The following SPATA9 variants were observed in gnomAD, a reference collection of about 807,000 sequenced individuals.
SPATA9 encodes spermatogenesis-associated protein 9.
In SPATA9, 27 loss-of-function variants were observed where a neutral mutation model predicts 25.5. That is an observed-to-expected ratio of 1.06 (90% CI 0.78 to 1.46). SPATA9 has a LOEUF of 1.46. Ranked by LOEUF, SPATA9 falls within the 40% of genes most tolerant of loss-of-function variation. The probability of loss-of-function intolerance (pLI) is 0.00; values close to 1 mark genes in which losing one functional copy is unlikely to be tolerated. For synonymous variants in SPATA9, 102 were observed against 105.7 expected (o/e 0.97, Z 0.21); for missense variants, 282 against 297.5 (o/e 0.95, Z 0.38).
At chr5:95,724,410 T>G in the SPATA9 span, among the ~76,000 whole-genome samples, 1 of 152,262 alleles carries the variant, frequency 6.6e-6, no homozygotes, top group African/African-American at 2.4e-5. Context: ...TGAAATTATA[T>G]TTGGAAAATG....
chr5:95,661,933 A>G (rs1311081682), intron 4 of SPATA9, among the ~76,000 whole-genome samples: 1 of 152,116 alleles, frequency 6.6e-6, no homozygotes, highest in African/African-American at 2.4e-5. Flanking sequence ...AAAAAAACAT[A>G]AAAATGATTA....
chr5:95,698,060 A>G (rs1356039321), intron 1 of SPATA9, among the ~76,000 whole-genome samples: 1 of 152,208 alleles, frequency 6.6e-6, no homozygotes, highest in Admixed American at 6.5e-5. Context: ...TCAATATTTA[A>G]CATATGTACT....
intron 3 of SPATA9, 115 bp downstream of exon 3, chr5:95,675,297 C>T (rs1029193064): frequency 1.1e-5 from 9 of 817,388 alleles, no homozygotes; most frequent in South Asian, 3.8e-5. Flanking sequence ...TTCTCTTATC[C>T]AAGTATATCT....
intron 3 of SPATA9, among the ~76,000 whole-genome samples, chr5:95,672,462 T>G (rs568169257): frequency 6.6e-5 from 10 of 152,132 alleles, no homozygotes; most frequent in South Asian, 6.2e-4. Flanking sequence ...GAGGTTTTTT[T>G]TTTTTTTTTT....
At chr5:95,652,219 G>T, downstream of SPATA9, 1 of 1,521,388 alleles carries the variant, frequency 6.6e-7, no homozygotes. Flanking sequence ...GCAATAGATT[G>T]GACACTCTAC....
chr5:95,685,464 T>C (rs1038374189), upstream of SPATA9, among the ~76,000 whole-genome samples: 1 of 152,210 alleles, frequency 6.6e-6, no homozygotes, highest in African/African-American at 2.4e-5. Context: ...TGGCCTTAGA[T>C]CAAGGATTTG....
intron 4 of SPATA9, chr5:95,659,564 G>A (rs150013496): frequency 6.6e-6 from 1 of 152,120 alleles, no homozygotes; most frequent in Non-Finnish European, 1.5e-5. Context: ...TTCAAGGCAC[G>A]CGGTGAGAAC....
At chr5:95,694,470 G>T (rs980936366) in intron 1 of SPATA9, among the ~76,000 whole-genome samples, 3 of 152,088 alleles carry the variant, frequency 2.0e-5, no homozygotes, top group African/African-American at 4.8e-5. Flanking sequence ...AAAAAGAAAA[G>T]TATCATGTTC....
the SPATA9 span, chr5:95,708,765 A>ACATAGATCGACTG: frequency 1.6e-6 from 1 of 629,076 alleles, no homozygotes; most frequent in African/African-American, 1.8e-5. Flanking sequence ...AGAACAGTGC[A>ACATAGATCGACTG]CATAGATCGA....
At chr5:95,726,068 C>T in the SPATA9 span, among the ~76,000 whole-genome samples, 1 of 152,054 alleles carries the variant, frequency 6.6e-6, no homozygotes, top group Non-Finnish European at 1.5e-5. Flanking sequence ...TTCTCAAATA[C>T]CATAAAGTGG....
upstream of SPATA9, among the ~76,000 whole-genome samples, chr5:95,685,615 A>T (rs894763402): frequency 2.0e-5 from 3 of 152,190 alleles, no homozygotes; most frequent in Non-Finnish European, 4.4e-5. Context: ...ACGTCAAAGT[A>T]ATTTTAAAAC....
the SPATA9 span, among the ~76,000 whole-genome samples, chr5:95,726,468 A>C: frequency 6.6e-6 from 1 of 152,230 alleles, no homozygotes; most frequent in South Asian, 2.1e-4. Context: ...TTGCTAGCTA[A>C]TTGTAATCAG....
chr5:95,682,527 C>G lies in SPATA9; in HGVS notation c.150+1G>C. 6.3e-7 allele frequency: 1 copy of G among 1,582,866 alleles called. No individual in the cohort carries two copies. Among genetic ancestry groups the G allele is most frequent in the Non-Finnish European group, 8.7e-7 (1 of 1,154,388 alleles). On this transcript the variant is annotated splice_donor_variant, in intron 2 of 4. Transcript: ENST00000274432. LOFTEE classifies it high-confidence loss of function. ...TTTTAAAGGTTATAAAATCACATTA[C>G]CTGATTAGACTGTGATAATCTTAGG...
chr5:95,652,750 T>C (rs1235194273), downstream of SPATA9: 5 of 259,736 alleles, frequency 1.9e-5, no homozygotes, highest in Non-Finnish European at 3.6e-5. Context: ...GTTAACACAA[T>C]ATAATTGTAG....
chr5:95,709,856 C>T, the SPATA9 span, among the ~76,000 whole-genome samples: 2 of 152,148 alleles, frequency 1.3e-5, no homozygotes, highest in African/African-American at 2.4e-5. Context: ...TTTACCTGGG[C>T]GCAGGTTGTG....
At chr5:95,669,070 G>A (rs1752100733) in intron 3 of SPATA9, among the ~76,000 whole-genome samples, 1 of 152,176 alleles carries the variant, frequency 6.6e-6, no homozygotes, top group Non-Finnish European at 1.5e-5. Flanking sequence ...TCTTTACTTA[G>A]CAACTCACAA....
At chr5:95,711,555 C>T in the SPATA9 span, among the ~76,000 whole-genome samples, 3 of 152,132 alleles carry the variant, frequency 2.0e-5, no homozygotes, top group Admixed American at 6.6e-5. Flanking sequence ...TGCTTCCTCC[C>T]GCCGCGGCCG....
chr5:95,719,731 C>A, the SPATA9 span: 2 of 152,182 alleles, frequency 1.3e-5, no homozygotes, highest in East Asian at 3.8e-4. Context: ...GTAGTTAATG[C>A]CATCATGCAG....
upstream of SPATA9, among the ~76,000 whole-genome samples, chr5:95,687,100 G>A (rs1753768734): frequency 6.6e-6 from 1 of 152,090 alleles, no homozygotes; most frequent in African/African-American, 2.4e-5. Context: ...AAACATGAAG[G>A]TATTCATAGA....
Sources: allele counts gnomAD v4.1 joint callset (sites outside exome capture counted in the v4.1 genomes callset), GRCh38; gene constraint gnomAD v4.1.1; transcripts MANE v1.5; gene names NCBI Gene and HGNC (gene_info 2026-07-23, HGNC 2026-07-21).